The following MARCHF1 variants were observed in gnomAD, a reference collection of about 807,000 sequenced individuals.
MARCHF1 encodes E3 ubiquitin-protein ligase MARCHF1.
A neutral mutation model predicts 54.2 loss-of-function variants in MARCHF1; 40 were observed. That is an observed-to-expected ratio of 0.74 (90% confidence interval 0.57 to 0.96). MARCHF1 has a LOEUF of 0.96. Among genes scored for constraint, MARCHF1 ranks in the 40% least tolerant of loss-of-function variants. The pLI, the probability that MARCHF1 is intolerant of heterozygous loss-of-function variation, is 0.00. For missense variants in MARCHF1, 586 were observed against 656.5 expected, an observed-to-expected ratio of 0.89 and a Z score of 1.17; for synonymous variants, 236 against 236.3, an observed-to-expected ratio of 1.00 and a Z score of 0.01.
chr4:164,260,975 T>C (rs1178109792), intron 1 of MARCHF1, among the ~76,000 whole-genome samples: 1 of 152,200 alleles, frequency 6.6e-6, no homozygotes, highest in East Asian at 1.9e-4. Flanking sequence ...TATAATCTCA[T>C]GCAATCTTCA....
chr4:163,758,948 GCTT>G (rs1029936413), intron 4 of MARCHF1, among the ~76,000 whole-genome samples: 34 of 152,106 alleles, frequency 2.2e-4, no homozygotes, highest in African/African-American at 6.5e-4. Context: ...ATTAGGAAAG[GCTT>G]CTTATTACTA....
chr4:164,142,377 A>T (rs533327645), intron 1 of MARCHF1, among the ~76,000 whole-genome samples: 5 of 152,150 alleles, frequency 3.3e-5, no homozygotes, highest in African/African-American at 7.2e-5. Context: ...CAGGGCACAG[A>T]CAAACAAAAA....
At chr4:163,981,804 C>A (rs1245299304) in intron 3 of MARCHF1, among the ~76,000 whole-genome samples, 1 of 152,208 alleles carries the variant, frequency 6.6e-6, no homozygotes, top group Non-Finnish European at 1.5e-5. Context: ...TGCTCCAAGA[C>A]TCTTCCACAT....
chr4:163,658,017 CA>C (rs141278750), intron 5 of MARCHF1, among the ~76,000 whole-genome samples: 51,660 of 151,746 alleles, frequency 0.34, 10,241 homozygotes, highest in African/African-American at 0.54. Context: ...CATTTCATGA[CA>C]AAAATCACCA....
chr4:164,086,268 G>C (rs993387121), intron 2 of MARCHF1, among the ~76,000 whole-genome samples: 1 of 151,466 alleles, frequency 6.6e-6, no homozygotes, highest in African/African-American at 2.4e-5. Context: ...ATAAATACTG[G>C]CTAAAAATAT....
chr4:164,074,442 A>C (rs1754933361), intron 2 of MARCHF1, among the ~76,000 whole-genome samples: 1 of 152,212 alleles, frequency 6.6e-6, no homozygotes, highest in Admixed American at 6.5e-5. Context: ...TGAGAATGGG[A>C]ATAAATGTTC....
At chr4:163,879,680 G>A (rs1425305459) in intron 3 of MARCHF1, among the ~76,000 whole-genome samples, 3 of 142,390 alleles carry the variant, frequency 2.1e-5, no homozygotes, top group African/African-American at 7.4e-5. Flanking sequence ...GTGGACTATG[G>A]AAGGGGGTAA....
rs1472424520 is a variant in MARCHF1 at position 163,975,186 on chromosome 4, T to TCACACA, written c.-39+13314_-39+13315insTGTGTG. ...AAAGCTCTCTCTCTCTCTCTCTCTC[T>TCACACA]CTCTCTCTCTCACACACACACACAC... On this transcript the variant is annotated intron_variant, in intron 3 of 9. Coordinates refer to ENST00000514618, the MANE Select transcript of MARCHF1 (RefSeq NM_001394959.1). 1.6e-4 allele frequency among the ~76,000 whole-genome samples: 21 copies of TCACACA among 135,272 alleles called. No individual in the cohort carries two copies. The East Asian group carries it at 2.9e-3, about 19-fold the overall frequency. The allele number at this position is 135,272 out of a possible 152,430, so 88.7% of individuals were successfully genotyped here. A position where few individuals can be genotyped will look rare whatever the true frequency, so the allele number is the denominator to read the frequency against.
intron 5 of MARCHF1, among the ~76,000 whole-genome samples, chr4:163,689,824 AC>A (rs1345083195): frequency 2.0e-5 from 3 of 152,372 alleles, no homozygotes; most frequent in African/African-American, 7.2e-5. Context: ...TCATAAGTCT[AC>A]TAATTTATAT....
chr4:163,976,802 T>C (rs1390190811), intron 3 of MARCHF1, among the ~76,000 whole-genome samples: 1 of 152,124 alleles, frequency 6.6e-6, no homozygotes. Flanking sequence ...ACATCTCAAA[T>C]CACGTGTCTG....
At chr4:163,931,497 C>T (rs916324546) in intron 3 of MARCHF1, among the ~76,000 whole-genome samples, 5 of 152,088 alleles carry the variant, frequency 3.3e-5, no homozygotes, top group African/African-American at 7.2e-5. Context: ...CCTTCCACCA[C>T]GAGAAGTTAC....
intron 5 of MARCHF1, among the ~76,000 whole-genome samples, chr4:163,695,166 A>T (rs1044490821): frequency 6.6e-6 from 1 of 152,184 alleles, no homozygotes; most frequent in Non-Finnish European, 1.5e-5. Context: ...TCAGGTTTTC[A>T]GCTGAAAAGA....
At chr4:164,216,449 G>T (rs1329158010) in intron 1 of MARCHF1, among the ~76,000 whole-genome samples, 5 of 152,068 alleles carry the variant, frequency 3.3e-5, no homozygotes. Context: ...AAGGGTATGT[G>T]TGCTAATAAG....
At chr4:163,937,817 T>TA (rs1250164935) in intron 3 of MARCHF1, among the ~76,000 whole-genome samples, 1 of 152,034 alleles carries the variant, frequency 6.6e-6, no homozygotes, top group Non-Finnish European at 1.5e-5. Flanking sequence ...CCTTAGGAGG[T>TA]AAAAAATTGA....
At chr4:163,574,690 C>T (rs1739976655) in intron 8 of MARCHF1, among the ~76,000 whole-genome samples, 1 of 151,884 alleles carries the variant, frequency 6.6e-6, no homozygotes, top group South Asian at 2.1e-4. Context: ...GTTTTGGTAC[C>T]AGTACCATGC....
intron 2 of MARCHF1, among the ~76,000 whole-genome samples, chr4:164,060,250 A>G (rs1350311796): frequency 6.6e-6 from 1 of 152,118 alleles, no homozygotes; most frequent in East Asian, 1.9e-4. Flanking sequence ...AATCCAGCTG[A>G]AGACTGGCAT....
At chr4:163,830,348 G>A (rs374572162) in intron 4 of MARCHF1, among the ~76,000 whole-genome samples, 94 of 151,430 alleles carry the variant, frequency 6.2e-4, no homozygotes, top group Middle Eastern at 3.5e-3. Context: ...ATATATGCAC[G>A]TATCAGCACA....
intron 4 of MARCHF1, among the ~76,000 whole-genome samples, chr4:163,779,612 C>T (rs959742867): frequency 6.6e-5 from 10 of 152,048 alleles, no homozygotes; most frequent in South Asian, 2.1e-4. Flanking sequence ...AGGATGTTTG[C>T]ACCATAACCA....
At chr4:163,763,598 TC>T (rs1326488251) in intron 4 of MARCHF1, among the ~76,000 whole-genome samples, 3 of 151,856 alleles carry the variant, frequency 2.0e-5, no homozygotes, top group African/African-American at 7.3e-5. Flanking sequence ...TGAATGACTT[TC>T]CCCCCTTACG....
Sources: allele counts gnomAD v4.1 joint callset (sites outside exome capture counted in the v4.1 genomes callset), GRCh38; gene constraint gnomAD v4.1.1; transcripts MANE v1.5; gene names NCBI Gene and HGNC (gene_info 2026-07-23, HGNC 2026-07-21).